MFAP3L: variants seen among roughly 807,000 people sequenced by gnomAD.
MFAP3L encodes the protein microfibrillar-associated protein 3-like.
A neutral mutation model predicts 20.0 loss-of-function variants in MFAP3L; 5 were observed. That is an observed-to-expected ratio of 0.25 (90% CI 0.13 to 0.53). The LOEUF is 0.53. Ranked by LOEUF, MFAP3L falls within the 20% of genes least tolerant of loss-of-function variation. MFAP3L has a pLI of 0.96. For synonymous variants in MFAP3L, 219 were observed against 213.0 expected, an observed-to-expected ratio of 1.03 and a Z score of -0.25; for missense variants, 409 against 527.5, an observed-to-expected ratio of 0.78 and a Z score of 2.20.
intron 2 of MFAP3L, chr4:170,003,663 G>A: frequency 9.5e-5 from 94 of 985,262 alleles, no homozygotes; most frequent in Non-Finnish European, 1.1e-4. Context: ...TTAATACCCA[G>A]GGATAACCTT....
Position 169,986,894 on chromosome 4 carries a change from G to A in MFAP3L, c.*4484C>T, listed in dbSNP as rs1312837448. 6.6e-6 allele frequency: 1 copy of A among 152,154 alleles called. No homozygotes were observed. The highest frequency in any genetic ancestry group is 1.5e-5 in the Non-Finnish European group (1 of 68,014). 9.4% of individuals were successfully genotyped at this position (152,154 alleles called of 1,614,324 possible). On this transcript the variant is annotated 3_prime_UTR_variant, in exon 3 of 3. Coordinates refer to ENST00000361618, the MANE Select transcript of MFAP3L (RefSeq NM_021647.8). ...TTGTTAGCAGCTCTATGGTGTCTGA[G>A]ATATACATTTGGAGGCTATTTTATT...
At chr4:169,994,294 T>A in intron 2 of MFAP3L, 1 of 985,390 alleles carries the variant, frequency 1.0e-6, no homozygotes, top group South Asian at 4.7e-5. Flanking sequence ...TTTGTTTACC[T>A]CCTCCCCATC....
intron 1 of MFAP3L, among the ~76,000 whole-genome samples, chr4:170,024,318 G>A (rs866924930): frequency 3.3e-5 from 5 of 152,108 alleles, no homozygotes; most frequent in Admixed American, 1.3e-4. Context: ...CGAGAAGGGG[G>A]CCTATTGATC....
At chr4:170,016,045 T>TA (rs949144404) in intron 1 of MFAP3L, among the ~76,000 whole-genome samples, 1 of 152,000 alleles carries the variant, frequency 6.6e-6, no homozygotes, top group Admixed American at 6.6e-5. Flanking sequence ...ATTGTCCCAT[T>TA]AAAAAAAAGA....
At chr4:170,001,246 G>A (rs1738594492) in intron 2 of MFAP3L, among the ~76,000 whole-genome samples, 1 of 152,088 alleles carries the variant, frequency 6.6e-6, no homozygotes, top group African/African-American at 2.4e-5. Context: ...CTAGTTAAAA[G>A]GCATATTACA....
rs1738591806 is a variant in MFAP3L at position 170,001,197 on chromosome 4, AT to A, written c.298+4382del. ...GTAGGGAGGTGATAACTACAGTCTT[AT>A]CACTGGCTGACACAGCTTGTCATGG... On this transcript the variant is annotated intron_variant, in intron 2 of 2. Transcript: ENST00000361618. Among the ~76,000 whole-genome samples, 3 of 152,230 alleles carry A rather than the reference AT, an allele frequency of 2.0e-5. No individual in the cohort carries two copies. In the South Asian group the frequency reaches 6.2e-4, roughly 32 times the overall value.
intron 2 of MFAP3L, chr4:170,005,283 G>C: frequency 2.4e-6 from 1 of 425,110 alleles, no homozygotes; most frequent in Non-Finnish European, 4.1e-6. Flanking sequence ...ATATTATTTA[G>C]GAAAATCCAT....
chr4:169,996,426 TA>T (rs1328159887), intron 2 of MFAP3L, among the ~76,000 whole-genome samples: 1 of 151,754 alleles, frequency 6.6e-6, no homozygotes, highest in Non-Finnish European at 1.5e-5. Flanking sequence ...CTGACTGCAA[TA>T]AAACATCCAG....
chr4:169,994,954 G>C (rs1237832062), intron 2 of MFAP3L: 1 of 152,170 alleles, frequency 6.6e-6, no homozygotes, highest in Non-Finnish European at 1.5e-5. Flanking sequence ...TAATCCTAAA[G>C]CAGGTGGGTT....
intron 1 of MFAP3L, among the ~76,000 whole-genome samples, chr4:170,010,026 T>C (rs1377406176): frequency 1.3e-5 from 2 of 152,228 alleles, no homozygotes; most frequent in South Asian, 2.1e-4. Context: ...GTGGGAATGA[T>C]GCCACAGGCA....
In MFAP3L at chr4:169,988,436, G is replaced by A. The variant is rs1477326951; in HGVS notation, c.*2942C>T. 6.6e-6 allele frequency: 1 copy of A among 152,190 alleles called. No individual in the cohort carries two copies. Among genetic ancestry groups the A allele is most frequent in the Non-Finnish European group, 1.5e-5 (1 of 68,018 alleles). 9.4% of individuals were successfully genotyped at this position (152,190 alleles called of 1,614,324 possible). On this transcript the variant is annotated 3_prime_UTR_variant, in exon 3 of 3. Coordinates refer to ENST00000361618, the MANE Select transcript of MFAP3L (RefSeq NM_021647.8). ...TATGACCAGGATGACTCAGAAGCCA[G>A]AAATTGATTTTACAAACGACTACAT... is the stretch of plus-strand genomic sequence containing the variant.
At position 170,002,063 on chromosome 4, in the gene MFAP3L, C is replaced by G. The variant is rs915461931; in HGVS notation, c.298+3517G>C. Reference sequence around the variant, plus strand: ...GAGTGACTCACCGATGATTTTTGAACGCCTTTTTGTGCATGTGCATGCCAT... The same window carrying G: ...GAGTGACTCACCGATGATTTTTGAAGGCCTTTTTGTGCATGTGCATGCCAT... On this transcript the variant is annotated intron_variant, in intron 2 of 2. Transcript: ENST00000361618. 8.1e-6 allele frequency: 8 copies of G among 985,304 alleles called. No homozygotes were observed. In the African/African-American group the frequency reaches 1.4e-4, roughly 17 times the overall value. The allele number at this position is 985,304 out of a possible 1,614,324, so 61.0% of individuals were successfully genotyped here. A position where few individuals can be genotyped will look rare whatever the true frequency, so the allele number is the denominator to read the frequency against.
chr4:170,002,855 A>C (rs918665292), intron 2 of MFAP3L, among the ~76,000 whole-genome samples: 1 of 151,674 alleles, frequency 6.6e-6, no homozygotes, highest in Non-Finnish European at 1.5e-5. Context: ...AAAAAAAAAA[A>C]CAAAAAACAA....
At chr4:170,020,793 T>C (rs1739988960) in intron 1 of MFAP3L, among the ~76,000 whole-genome samples, 1 of 151,928 alleles carries the variant, frequency 6.6e-6, no homozygotes, top group South Asian at 2.1e-4. Context: ...AGCTTTGAGG[T>C]CTTGGTTCAA....
intron 2 of MFAP3L, chr4:169,993,411 A>C (rs559173356): frequency 6.6e-6 from 1 of 152,354 alleles, no homozygotes; most frequent in Non-Finnish European, 1.5e-5. Flanking sequence ...GGGGCAACTG[A>C]ACGCAGTTTC....
intron 1 of MFAP3L, among the ~76,000 whole-genome samples, chr4:170,006,247 G>C (rs181904499): frequency 6.6e-6 from 1 of 151,798 alleles, no homozygotes; most frequent in Non-Finnish European, 1.5e-5. Flanking sequence ...CAAGTAGCTG[G>C]GATTACAGGC....
rs1737310110 is a variant in MFAP3L, at chr4:169,986,832, A to C, written c.*4546T>G. 6.6e-6 allele frequency: 1 copy of C among 152,204 alleles called. No homozygotes were observed. The highest frequency in any genetic ancestry group is 1.5e-5 in the Non-Finnish European group (1 of 68,028). The allele number at this position is 152,204 out of a possible 1,614,324, so 9.4% of individuals were successfully genotyped here. The stretch of plus-strand genomic sequence containing the variant: ...CATCCAGAACTACTGAAATACAACA[A>C]ACGAAATCTAAGTGCAAGCATCTTC... On this transcript the variant is annotated 3_prime_UTR_variant, in exon 3 of 3. Transcript: ENST00000361618.
upstream of MFAP3L, among the ~76,000 whole-genome samples, chr4:170,026,611 G>A (rs1282984407): frequency 2.0e-5 from 3 of 151,968 alleles, no homozygotes; most frequent in Admixed American, 6.5e-5. Flanking sequence ...AGTTGCCGGG[G>A]AGTCCCGCAT....
At chr4:170,026,153 G>T in intron 1 of MFAP3L, 81 bp downstream of exon 1, 1 of 848,014 alleles carries the variant, frequency 1.2e-6, no homozygotes, top group Non-Finnish European at 1.4e-6. Context: ...CGGCCCCGGC[G>T]CCGACTCGGC....
Sources: allele counts gnomAD v4.1 joint callset (sites outside exome capture counted in the v4.1 genomes callset), GRCh38; gene constraint gnomAD v4.1.1; transcripts MANE v1.5; gene names NCBI Gene and HGNC (gene_info 2026-07-23, HGNC 2026-07-21).